Variants in YTHDC2 observed in about 807,000 individuals in gnomAD.
The protein encoded by YTHDC2 is YTH N6-methyladenosine RNA binding protein C2, also known as 3'-5' RNA helicase YTHDC2.
YTHDC2 carries 45 observed loss-of-function variants against 174.9 expected under a neutral mutation model. That is an observed-to-expected ratio of 0.26 (90% CI 0.20 to 0.33). The LOEUF is 0.33. Among genes scored for constraint, YTHDC2 ranks in the 10% least tolerant of loss-of-function variants. The pLI is 1.00. For missense variants in YTHDC2, 1,650 were observed against 1,723.7 expected (o/e 0.96, Z 0.76); for synonymous variants, 657 against 574.5 (o/e 1.14, Z -2.05).
At chr5:113,583,197 T>C (rs1317643489) in intron 25 of YTHDC2, 14 of 152,202 alleles carry the variant, frequency 9.2e-5, no homozygotes, top group Admixed American at 8.5e-4. Context: ...TTATTGGGAT[T>C]GGTAACCACT....
intron 2 of YTHDC2, among the ~76,000 whole-genome samples, chr5:113,522,445 G>C (rs544364971): frequency 1.3e-5 from 2 of 151,862 alleles, no homozygotes; most frequent in Admixed American, 6.6e-5. Flanking sequence ...TTTATTTTTC[G>C]AAAGTTAGGT....
At chr5:113,533,990 A>G (rs1774875701) in intron 5 of YTHDC2, among the ~76,000 whole-genome samples, 2 of 152,094 alleles carry the variant, frequency 1.3e-5, no homozygotes. Context: ...TACTTTTTTT[A>G]TTCTCAGTGG....
chr5:113,517,665 T>C (rs537584149), intron 2 of YTHDC2: 1 of 446,672 alleles, frequency 2.2e-6, no homozygotes, highest in East Asian at 7.1e-5. Context: ...CTTTCAAACC[T>C]TCTTACGAAA....
intron 27 of YTHDC2, 49 bp from the exon 28 acceptor site, chr5:113,591,947 A>G: frequency 7.5e-7 from 1 of 1,326,214 alleles, no homozygotes; most frequent in Non-Finnish European, 9.9e-7. Flanking sequence ...AAATTTAGAC[A>G]TGCTAATCTC....
At position 113,594,323 on chromosome 5, in the gene YTHDC2, A is replaced by T. The variant is rs1048371828; in HGVS notation, c.*849A>T. ...ACCTTTTTGTTTTGGCTACAACTTG[A>T]TTGAAACAAGTTCAAAATTTAAACA... On this transcript the variant is annotated 3_prime_UTR_variant, in exon 30 of 30. Transcript: ENST00000161863. The T allele has an allele frequency of 6.6e-6, 1 of 151,976 alleles. No individual in the cohort carries two copies. Among genetic ancestry groups the T allele is most frequent in the Non-Finnish European group, 1.5e-5 (1 of 68,006 alleles). The allele number at this position is 151,976 out of a possible 1,614,324, so 9.4% of individuals were successfully genotyped here.
chr5:113,525,664 G>T (rs1316647783), intron 3 of YTHDC2, among the ~76,000 whole-genome samples: 1 of 152,104 alleles, frequency 6.6e-6, no homozygotes, highest in Admixed American at 6.5e-5. Flanking sequence ...TGGGGCTTTA[G>T]CTCTGGTAAG....
chr5:113,584,599 G>C (rs1778577080), intron 26 of YTHDC2, 120 bp downstream of exon 26: 2 of 865,964 alleles, frequency 2.3e-6, no homozygotes, highest in African/African-American at 1.7e-5. Context: ...CTAGATGTAA[G>C]TTGAAGCTAG....
chr5:113,556,622 G>A (rs1466417935), intron 17 of YTHDC2, among the ~76,000 whole-genome samples: 1 of 152,094 alleles, frequency 6.6e-6, no homozygotes, highest in Non-Finnish European at 1.5e-5. Context: ...TCTCAGATGG[G>A]CATTGATGAA....
At position 113,556,231 on chromosome 5, in the gene YTHDC2, ATAG is replaced by A. The variant is rs1199672849; in HGVS notation, c.2216+102_2216+104del. 8.8e-5 allele frequency: 51 copies of A among 579,862 alleles called. No homozygotes were observed. In the South Asian group the frequency reaches 1.3e-3, roughly 14 times the overall value. The allele number at this position is 579,862 out of a possible 1,614,324, so 35.9% of individuals were successfully genotyped here. Reference sequence around the variant, plus strand: ...TATCATATATTCCATGTTCAATAAAATAGTAGTTTTCATGTTAAAATTTTTATA... The same window carrying A: ...TATCATATATTCCATGTTCAATAAAATAGTTTTCATGTTAAAATTTTTATA... On this transcript the variant is annotated intron_variant, in intron 17 of 29. Coordinates refer to ENST00000161863, the MANE Select transcript of YTHDC2 (RefSeq NM_022828.5).
chr5:113,540,006 A>T (rs1775341691), intron 8 of YTHDC2, among the ~76,000 whole-genome samples: 1 of 152,082 alleles, frequency 6.6e-6, no homozygotes, highest in Admixed American at 6.6e-5. Flanking sequence ...ATCTCAAGGG[A>T]TCCTCCCACC....
At chr5:113,580,160 C>T (rs1009099306) in intron 24 of YTHDC2, among the ~76,000 whole-genome samples, 2 of 152,060 alleles carry the variant, frequency 1.3e-5, no homozygotes, top group African/African-American at 4.8e-5. Context: ...ATTCATGAAG[C>T]CAGAGCCCTC....
At chr5:113,522,394 AAAGG>A (rs1773938623) in intron 2 of YTHDC2, among the ~76,000 whole-genome samples, 1 of 152,144 alleles carries the variant, frequency 6.6e-6, no homozygotes, top group Admixed American at 6.5e-5. Flanking sequence ...TTTTTCTTTC[AAAGG>A]AAGAAGCCAT....
At chr5:113,568,574 T>A (rs1291022100) in intron 23 of YTHDC2, among the ~76,000 whole-genome samples, 1 of 152,174 alleles carries the variant, frequency 6.6e-6, no homozygotes, top group Non-Finnish European at 1.5e-5. Context: ...CCTGTCTGTG[T>A]CCATGTGTTC....
chr5:113,526,501 G>A (rs1774246727), intron 3 of YTHDC2, 85 bp from the exon 4 acceptor site: 1 of 1,124,772 alleles, frequency 8.9e-7, no homozygotes, highest in Admixed American at 3.0e-5. Context: ...TGTTTTTCTA[G>A]GTTTGGCAAA....
intron 26 of YTHDC2, among the ~76,000 whole-genome samples, chr5:113,588,915 A>G (rs1778837577): frequency 6.6e-6 from 1 of 152,000 alleles, no homozygotes; most frequent in Admixed American, 6.6e-5. Flanking sequence ...GTGAGCCACC[A>G]TGCCTGGCCA....
chr5:113,574,547 C>A (rs1182764848), intron 23 of YTHDC2, among the ~76,000 whole-genome samples: 1 of 152,166 alleles, frequency 6.6e-6, no homozygotes, highest in Non-Finnish European at 1.5e-5. Flanking sequence ...AGCCATCAGG[C>A]TGGAGTGGCT....
At chr5:113,548,367 T>G (rs1420340387) in intron 10 of YTHDC2, among the ~76,000 whole-genome samples, 174 bp from the exon 11 acceptor site, 6 of 152,198 alleles carry the variant, frequency 3.9e-5, no homozygotes, top group Admixed American at 3.9e-4. Flanking sequence ...CATAACAGAT[T>G]GCTGTAAGTG....
intron 26 of YTHDC2, among the ~76,000 whole-genome samples, chr5:113,586,067 T>G (rs764788330): frequency 2.6e-5 from 4 of 152,084 alleles, no homozygotes; most frequent in African/African-American, 9.7e-5. Context: ...ATATTTAGCT[T>G]TACAAGAAAC....
chr5:113,533,120 G>T, intron 5 of YTHDC2, 75 bp downstream of exon 5: 1 of 1,506,316 alleles, frequency 6.6e-7, no homozygotes, highest in Non-Finnish European at 9.0e-7. Flanking sequence ...AAAAATAGAG[G>T]ATGTGTTCGT....
Sources: gnomAD v4.1 joint callset for allele counts (sites outside exome capture counted in the v4.1 genomes callset) on GRCh38, gnomAD v4.1.1 for gene constraint, MANE v1.5 for transcripts, NCBI Gene and HGNC (gene_info 2026-07-23, HGNC 2026-07-21) for gene names.